TMTC2: variants seen among roughly 807,000 people sequenced by gnomAD.
The protein encoded by TMTC2 is protein O-mannosyl-transferase TMTC2.
Under a neutral mutation model 82.4 loss-of-function variants are expected in TMTC2, and 43 were observed. The observed-to-expected ratio is 0.52, with a 90% CI of 0.41 to 0.67. The LOEUF (loss-of-function observed/expected upper bound fraction) is 0.67, where lower values mean the gene tolerates loss of function less well. TMTC2 is among the 30% of genes least tolerant of loss of function. The pLI is 0.00. For missense variants in TMTC2, 919 were observed against 1,012.4 expected (o/e 0.91, Z 1.25); for synonymous variants, 408 against 381.9 (o/e 1.07, Z -0.80).
chr12:82,695,292 A>T (rs1430481661), intron 1 of TMTC2, among the ~76,000 whole-genome samples: 3 of 152,238 alleles, frequency 2.0e-5, no homozygotes, highest in African/African-American at 7.2e-5. Flanking sequence ...AAATTTTTAC[A>T]GCTGTGTCTT....
At chr12:82,729,692 G>A (rs1168240956) in intron 1 of TMTC2, among the ~76,000 whole-genome samples, 2 of 152,208 alleles carry the variant, frequency 1.3e-5, no homozygotes, top group Non-Finnish European at 2.9e-5. Context: ...CAATCAGCAG[G>A]ATGTGGGTGG....
At chr12:82,730,053 A>G (rs1229245152) in intron 1 of TMTC2, among the ~76,000 whole-genome samples, 1 of 152,116 alleles carries the variant, frequency 6.6e-6, no homozygotes, top group Non-Finnish European at 1.5e-5. Flanking sequence ...ATCAGAAGGA[A>G]CAAACTCCGG....
intron 4 of TMTC2, among the ~76,000 whole-genome samples, chr12:82,940,163 A>G (rs1049016164): frequency 4.6e-5 from 7 of 151,574 alleles, no homozygotes; most frequent in African/African-American, 1.7e-4. Flanking sequence ...GATTATAGGC[A>G]TGCGCCACCA....
chr12:83,098,939 G>T (rs958026345), intron 11 of TMTC2, among the ~76,000 whole-genome samples: 7 of 152,010 alleles, frequency 4.6e-5, no homozygotes, highest in African/African-American at 7.3e-5. Context: ...TTTTCTAATG[G>T]CAAAGAAAAT....
At chr12:82,899,475 C>T (rs1430713774) in intron 3 of TMTC2, among the ~76,000 whole-genome samples, 5 of 150,288 alleles carry the variant, frequency 3.3e-5, no homozygotes, top group South Asian at 2.1e-4. Flanking sequence ...TCACTGTTGG[C>T]ATCATGGCCT....
intron 1 of TMTC2, among the ~76,000 whole-genome samples, chr12:82,844,492 C>T (rs1870519114): frequency 6.6e-6 from 1 of 152,090 alleles, no homozygotes. Context: ...GTTATAGTTA[C>T]GTTCTCTCTT....
intron 9 of TMTC2, among the ~76,000 whole-genome samples, chr12:83,034,431 A>G (rs907589104): frequency 1.6e-4 from 25 of 152,316 alleles, no homozygotes; most frequent in South Asian, 8.3e-4. Flanking sequence ...AAGGGAGGCC[A>G]CAGAGGAACC....
chr12:82,836,482 C>T (rs1440311038), intron 1 of TMTC2, among the ~76,000 whole-genome samples: 4 of 152,052 alleles, frequency 2.6e-5, no homozygotes, highest in Non-Finnish European at 4.4e-5. Context: ...CAATTTCTGG[C>T]TTTTAAGATG....
At chr12:82,997,433 C>CAG (rs555736221) in intron 8 of TMTC2, among the ~76,000 whole-genome samples, 2,124 of 54,950 alleles carry the variant, frequency 0.039, 116 homozygotes, top group African/African-American at 0.1. Flanking sequence ...TATATACACA[C>CAG]AGAGAGAGAG....
At chr12:83,046,768 T>C (rs1882154831) in intron 9 of TMTC2, among the ~76,000 whole-genome samples, 1 of 152,136 alleles carries the variant, frequency 6.6e-6, no homozygotes, top group Non-Finnish European at 1.5e-5. Context: ...TACAAATAGT[T>C]CAGTTCCCAG....
chr12:82,748,017 A>T (rs77066702), intron 1 of TMTC2, among the ~76,000 whole-genome samples: 1,752 of 152,298 alleles, frequency 0.012, 33 homozygotes, highest in African/African-American at 0.04. Flanking sequence ...CGTAGTTTTT[A>T]AAAAAAGTTT....
At chr12:83,084,190 A>G (rs1164861805) in intron 11 of TMTC2, among the ~76,000 whole-genome samples, 4 of 152,206 alleles carry the variant, frequency 2.6e-5, no homozygotes, top group Non-Finnish European at 5.9e-5. Flanking sequence ...AACACAGCCC[A>G]TAGTAGAAGT....
At chr12:82,950,241 T>C (rs1877274397) in intron 4 of TMTC2, among the ~76,000 whole-genome samples, 1 of 152,150 alleles carries the variant, frequency 6.6e-6, no homozygotes, top group Admixed American at 6.5e-5. Context: ...GAATAATAAT[T>C]GCTATTGCTA....
intron 1 of TMTC2, among the ~76,000 whole-genome samples, chr12:82,728,766 T>C (rs183235312): frequency 3.2e-4 from 49 of 152,228 alleles, no homozygotes; most frequent in African/African-American, 1.1e-3. Flanking sequence ...CGGGGAGGTG[T>C]GGAGGCAGAG....
At position 83,065,188 on chromosome 12, in the gene TMTC2, G is replaced by A. The variant is rs1252838298; in HGVS notation, c.2331+3357G>A. Reference sequence around the variant, plus strand: ...TAAATAGCTTGCTGATTGTCTGTAGGATATTCTTTCTTAATAAAATACCTA... The same window carrying A: ...TAAATAGCTTGCTGATTGTCTGTAGAATATTCTTTCTTAATAAAATACCTA... On this transcript the variant is annotated intron_variant, in intron 11 of 11. Transcript: ENST00000321196. Among the ~76,000 whole-genome samples the A allele has an allele frequency of 4.6e-5, 7 of 151,834 alleles. No individual in the cohort carries two copies. In the East Asian group the frequency reaches 9.7e-4, roughly 21 times the overall value.
intron 8 of TMTC2, among the ~76,000 whole-genome samples, chr12:83,018,576 C>G (rs1479847327): frequency 1.3e-5 from 2 of 152,002 alleles, no homozygotes; most frequent in African/African-American, 4.8e-5. Context: ...CTTTATCCAT[C>G]TAAAGTAAAG....
intron 2 of TMTC2, among the ~76,000 whole-genome samples, chr12:82,866,244 C>CAAAAAAAA (rs762068833): frequency 4.0e-4 from 21 of 52,256 alleles, no homozygotes; most frequent in Middle Eastern, 0.015. Flanking sequence ...TTGAAAAGAT[C>CAAAAAAAA]AAAAAAAAAA....
chr12:83,067,707 G>T (rs113485371), intron 11 of TMTC2, among the ~76,000 whole-genome samples: 2 of 151,976 alleles, frequency 1.3e-5, no homozygotes, highest in South Asian at 4.2e-4. Context: ...TTTGATGCAG[G>T]CCTGTACTAT....
At chr12:82,822,888 T>C (rs916166181) in intron 1 of TMTC2, among the ~76,000 whole-genome samples, 2 of 152,188 alleles carry the variant, frequency 1.3e-5, no homozygotes, top group Admixed American at 1.3e-4. Flanking sequence ...TAGTCTGATG[T>C]AACAAATTTT....
Sources: gnomAD v4.1 joint callset for allele counts (sites outside exome capture counted in the v4.1 genomes callset) on GRCh38, gnomAD v4.1.1 for gene constraint, MANE v1.5 for transcripts, NCBI Gene and HGNC (gene_info 2026-07-23, HGNC 2026-07-21) for gene names.